The following ADAMTS2 variants were observed in gnomAD, a reference collection of about 807,000 sequenced individuals.
The protein encoded by ADAMTS2 is A disintegrin and metalloproteinase with thrombospondin motifs 2.
A neutral mutation model predicts 123.0 loss-of-function variants in ADAMTS2; 50 were observed. That is an observed-to-expected ratio of 0.41 (90% CI 0.32 to 0.51). The LOEUF (loss-of-function observed/expected upper bound fraction) is 0.51. Among genes scored for constraint, ADAMTS2 ranks in the 20% least tolerant of loss-of-function variants. The pLI is 0.35. For synonymous variants in ADAMTS2, 678 were observed against 695.4 expected (o/e 0.98, Z 0.39); for missense variants, 1,494 against 1,705.2 (o/e 0.88, Z 2.18).
chr5:179,334,779 AGCCTT>A (rs1418126464), intron 2 of ADAMTS2, among the ~76,000 whole-genome samples: 2 of 152,252 alleles, frequency 1.3e-5, no homozygotes, highest in Non-Finnish European at 2.9e-5. Context: ...AAAAATCAGT[AGCCTT>A]CCTGTGTACC....
rs1764220617 is a variant in ADAMTS2, at chr5:179,188,290, G to A, written c.892-7135C>T. Among the ~76,000 whole-genome samples the A allele has an allele frequency of 6.6e-6, 1 of 152,222 alleles. No homozygotes were observed. The highest frequency in any genetic ancestry group is 1.5e-5 in the Non-Finnish European group (1 of 68,032). Reference sequence around the variant, plus strand: ...GGGGGAGGGGGGCCTGCTGCTCTGTGGCTTCTCTGGGACCCCCTGAAATAA... The same window carrying A: ...GGGGGAGGGGGGCCTGCTGCTCTGTAGCTTCTCTGGGACCCCCTGAAATAA... On this transcript the variant is annotated intron_variant, in intron 4 of 21. Transcript: ENST00000251582. This position sits in a 1 kb window ranked among gnomAD's most constrained non-coding sequence, Gnocchi z 5.1.
intron 3 of ADAMTS2, among the ~76,000 whole-genome samples, chr5:179,209,564 A>ACACACACACGCG (rs1331427329): frequency 3.9e-5 from 6 of 152,058 alleles, no homozygotes; most frequent in South Asian, 2.1e-4. Context: ...ACACACAAGC[A>ACACACACACGCG]CACACATGCA....
In ADAMTS2 at chr5:179,152,588, C is replaced by A. The variant is rs547191808; in HGVS notation, c.1516-333G>T. Among the ~76,000 whole-genome samples, 26 of 152,146 alleles carry A rather than the reference C, an allele frequency of 1.7e-4. No individual in the cohort carries two copies. In the South Asian group the frequency reaches 4.6e-3, roughly 27 times the overall value. On this transcript the variant is annotated intron_variant, in intron 9 of 21. Transcript: ENST00000251582. Reference sequence around the variant, plus strand: ...CTTTGCCGTGGATTTCCCTCCTAAACCCTGGCGAAGCCCTACCCCCACCCC... The same window carrying A: ...CTTTGCCGTGGATTTCCCTCCTAAAACCTGGCGAAGCCCTACCCCCACCCC...
intron 10 of ADAMTS2, chr5:179,151,021 G>T (rs925434305): frequency 9.5e-6 from 2 of 211,214 alleles, no homozygotes; most frequent in Non-Finnish European, 1.0e-5. Context: ...CTCAGCCTCC[G>T]GAGTAGCTGG....
At chr5:179,309,084 G>A (rs1327430781) in intron 2 of ADAMTS2, among the ~76,000 whole-genome samples, 6 of 152,234 alleles carry the variant, frequency 3.9e-5, no homozygotes, top group African/African-American at 1.4e-4. Context: ...GCCATCCACA[G>A]GAAGCTACAT....
chr5:179,323,007 G>A (rs1328665842), intron 2 of ADAMTS2, among the ~76,000 whole-genome samples: 2 of 152,232 alleles, frequency 1.3e-5, no homozygotes, highest in Non-Finnish European at 2.9e-5. Flanking sequence ...CTGGCGGGAG[G>A]CAGAACTTGA....
At chr5:179,336,205 T>A (rs375537729) in intron 2 of ADAMTS2, among the ~76,000 whole-genome samples, 20 of 152,248 alleles carry the variant, frequency 1.3e-4, no homozygotes, top group African/African-American at 4.6e-4. Context: ...GCCACGACAC[T>A]TCCAACGCAG....
chr5:179,239,643 G>C (rs1468045870), intron 3 of ADAMTS2, among the ~76,000 whole-genome samples: 1 of 152,060 alleles, frequency 6.6e-6, no homozygotes, highest in Non-Finnish European at 1.5e-5. Flanking sequence ...ATCTGGGCTG[G>C]AGACGCAAAT....
At chr5:179,187,781 C>T (rs1373532977) in intron 4 of ADAMTS2, among the ~76,000 whole-genome samples, 1 of 152,204 alleles carries the variant, frequency 6.6e-6, no homozygotes, top group Non-Finnish European at 1.5e-5. Flanking sequence ...ATGTTCAAAG[C>T]CGCAGCCATC....
At chr5:179,325,958 G>A (rs896830457) in intron 2 of ADAMTS2, among the ~76,000 whole-genome samples, 2 of 152,240 alleles carry the variant, frequency 1.3e-5, no homozygotes, top group African/African-American at 4.8e-5. Flanking sequence ...ACTCCCAAAG[G>A]AGAACGGCCA....
At chr5:179,218,756 C>T (rs1283185513) in intron 3 of ADAMTS2, among the ~76,000 whole-genome samples, 2 of 152,188 alleles carry the variant, frequency 1.3e-5, no homozygotes, top group African/African-American at 2.4e-5. Flanking sequence ...TGGGCTGCCC[C>T]GCGGACAGAT....
intron 5 of ADAMTS2, among the ~76,000 whole-genome samples, chr5:179,165,648 AG>A (rs538274246): frequency 5.0e-4 from 76 of 152,256 alleles, no homozygotes; most frequent in African/African-American, 1.8e-3. Flanking sequence ...CCTCCAGAGC[AG>A]GGGGCGGTAG....
chr5:179,300,220 T>C (rs1395035971), intron 2 of ADAMTS2, among the ~76,000 whole-genome samples: 5 of 152,212 alleles, frequency 3.3e-5, no homozygotes, highest in African/African-American at 2.4e-5. Context: ...GCCCCTGCTA[T>C]GTCACCTGAT....
chr5:179,269,705 C>T (rs1461026023), intron 3 of ADAMTS2, among the ~76,000 whole-genome samples: 1 of 152,188 alleles, frequency 6.6e-6, no homozygotes, highest in African/African-American at 2.4e-5. Flanking sequence ...CCTCAACAGT[C>T]CCACACAGGA....
intron 3 of ADAMTS2, among the ~76,000 whole-genome samples, chr5:179,271,578 C>A (rs1011518271): frequency 6.6e-6 from 1 of 152,158 alleles, no homozygotes; most frequent in Non-Finnish European, 1.5e-5. Context: ...CAAAATAGTC[C>A]AAGGGTGGGG....
At chr5:179,159,556 T>C (rs977391288) in intron 5 of ADAMTS2, among the ~76,000 whole-genome samples, 2 of 152,200 alleles carry the variant, frequency 1.3e-5, no homozygotes, top group African/African-American at 4.8e-5. Context: ...CCACAGGAAC[T>C]ATGCATGGGA....
At chr5:179,172,527 C>T (rs1194599050) in intron 5 of ADAMTS2, among the ~76,000 whole-genome samples, 1 of 152,220 alleles carries the variant, frequency 6.6e-6, no homozygotes, top group African/African-American at 2.4e-5. Flanking sequence ...AGACCACGTA[C>T]CTATGGCAGC....
At chr5:179,245,562 C>T (rs995139113) in intron 3 of ADAMTS2, among the ~76,000 whole-genome samples, 23 of 149,054 alleles carry the variant, frequency 1.5e-4, no homozygotes, top group Middle Eastern at 6.8e-3. Flanking sequence ...GTCAGGAGAT[C>T]GAGACCATCC....
chr5:179,229,874 G>A (rs527906392), intron 3 of ADAMTS2, among the ~76,000 whole-genome samples: 17 of 152,264 alleles, frequency 1.1e-4, no homozygotes, highest in East Asian at 3.9e-4. Context: ...TCTCCAGGGC[G>A]CATGCCCCTG....
Sources: gnomAD v4.1 joint callset for allele counts (sites outside exome capture counted in the v4.1 genomes callset) on GRCh38, gnomAD v4.1.1 for gene constraint, Gnocchi (gnomAD v3.1) non-coding constraint, MANE v1.5 for transcripts, NCBI Gene and HGNC (gene_info 2026-07-23, HGNC 2026-07-21) for gene names.